PLCG2: variants seen among roughly 807,000 people sequenced by gnomAD.
PLCG2 encodes phospholipase C gamma 2, also known as 1-phosphatidylinositol 4,5-bisphosphate phosphodiesterase gamma-2.
Under a neutral mutation model 175.6 loss-of-function variants are expected in PLCG2, and 69 were observed. The observed-to-expected ratio is 0.39, with a 90% CI of 0.32 to 0.48. PLCG2 has a LOEUF of 0.48. Among genes scored for constraint, PLCG2 ranks in the 20% least tolerant of loss-of-function variants. PLCG2 has a pLI of 0.91. For synonymous variants in PLCG2, 827 were observed against 624.0 expected, an observed-to-expected ratio of 1.33 and a Z score of -4.85; for missense variants, 1,798 against 1,650.9, an observed-to-expected ratio of 1.09 and a Z score of -1.54.
intron 19 of PLCG2, among the ~76,000 whole-genome samples, chr16:81,918,498 A>G (rs1909933148): frequency 6.6e-6 from 1 of 152,146 alleles, no homozygotes; most frequent in African/African-American, 2.4e-5. Flanking sequence ...TACTTATTTA[A>G]CAGACTGTCC....
rs142010836 is a variant in PLCG2 at position 81,930,788 on chromosome 16, T to C, written c.2582-709T>C. ...AGCCATTTAAATTATTTATTCTTTATATGTAAAAGATTATATGTAACAACA... is the reference window on the plus strand; with the variant it reads ...AGCCATTTAAATTATTTATTCTTTACATGTAAAAGATTATATGTAACAACA... On this transcript the variant is annotated intron_variant, in intron 24 of 32. Coordinates refer to ENST00000564138, the MANE Select transcript of PLCG2 (RefSeq NM_002661.5). 5.7e-3 allele frequency among the ~76,000 whole-genome samples: 870 copies of C among 151,634 alleles called. 15 individuals carry two copies. The highest frequency in any genetic ancestry group is 0.019 in the African/African-American group (806 of 41,356).
chr16:81,756,945 A>G (rs1909941768), intron 2 of PLCG2, among the ~76,000 whole-genome samples: 1 of 152,174 alleles, frequency 6.6e-6, no homozygotes, highest in Admixed American at 6.5e-5. Context: ...GAAATTGTGT[A>G]TGGGATTCCA....
chr16:81,784,458 C>T (rs1348756644), intron 1 of PLCG2, among the ~76,000 whole-genome samples: 1 of 152,270 alleles, frequency 6.6e-6, no homozygotes, highest in African/African-American at 2.4e-5. Context: ...AGGCTGAGCC[C>T]GGCTGGAAGC....
chr16:81,762,097 A>G (rs1237516930), intron 2 of PLCG2, among the ~76,000 whole-genome samples: 1 of 151,902 alleles, frequency 6.6e-6, no homozygotes, highest in Non-Finnish European at 1.5e-5. Context: ...GTCCTCCCAA[A>G]GTGCTCAGAT....
chr16:81,753,177 C>T (rs1016664677), intron 1 of PLCG2, among the ~76,000 whole-genome samples: 2 of 152,160 alleles, frequency 1.3e-5, no homozygotes, highest in Admixed American at 6.5e-5. Context: ...CTCCCCGCCA[C>T]CTCAGCCTGG....
chr16:81,752,967 C>G (rs938334939), intron 1 of PLCG2, among the ~76,000 whole-genome samples: 1 of 152,210 alleles, frequency 6.6e-6, no homozygotes, highest in African/African-American at 2.4e-5. Flanking sequence ...GTAGTGGAGA[C>G]CAACCACGGT....
chr16:81,776,247 T>C (rs1910403552), upstream of PLCG2, among the ~76,000 whole-genome samples: 1 of 150,892 alleles, frequency 6.6e-6, no homozygotes, highest in Non-Finnish European at 1.5e-5. Context: ...TAGGTGGGAT[T>C]ATAGGCACCC....
intron 2 of PLCG2, among the ~76,000 whole-genome samples, chr16:81,826,502 G>A (rs1905055707): frequency 6.6e-6 from 1 of 152,160 alleles, no homozygotes; most frequent in Non-Finnish European, 1.5e-5. Flanking sequence ...AATAATAGTA[G>A]GACCTATCTC....
At chr16:81,749,922 T>C (rs1427612433) in intron 1 of PLCG2, among the ~76,000 whole-genome samples, 1 of 152,122 alleles carries the variant, frequency 6.6e-6, no homozygotes, top group African/African-American at 2.4e-5. Flanking sequence ...GTAATCCATC[T>C]ACGCGGCGGA....
chr16:81,837,379 C>A (rs953498013), intron 2 of PLCG2, among the ~76,000 whole-genome samples: 1 of 152,224 alleles, frequency 6.6e-6, no homozygotes, highest in Admixed American at 6.5e-5. Context: ...GGGCACCCTG[C>A]AGGCCACTTC....
chr16:81,945,694 A>G (rs1911123092), intron 30 of PLCG2, among the ~76,000 whole-genome samples: 1 of 152,246 alleles, frequency 6.6e-6, no homozygotes, highest in Non-Finnish European at 1.5e-5. Flanking sequence ...AGGAGGAGGA[A>G]GATCAATACT....
rs774366659 is a variant in PLCG2 at position 81,931,486 on chromosome 16, C to G, written c.2582-11C>G. ...GGCTGATTGGGACATTTCTTATTCT[C>G]TTACCCCAAGTGAAAGCCCCTCAGG... is the stretch of plus-strand genomic sequence containing the variant. On this transcript the variant is annotated splice_polypyrimidine_tract_variant and intron_variant, in intron 24 of 32. Coordinates refer to ENST00000564138, the MANE Select transcript of PLCG2 (RefSeq NM_002661.5). 2 of 1,613,380 alleles carry G rather than the reference C, an allele frequency of 1.2e-6. No homozygotes were observed. Among genetic ancestry groups the G allele is most frequent in the Non-Finnish European group, 1.7e-6 (2 of 1,179,510 alleles).
At chr16:81,823,030 T>G (rs1182319904) in intron 2 of PLCG2, among the ~76,000 whole-genome samples, 1 of 152,264 alleles carries the variant, frequency 6.6e-6, no homozygotes, top group East Asian at 1.9e-4. Flanking sequence ...GATAAATGTG[T>G]GTTGCTTTAA....
intron 6 of PLCG2, 126 bp from the exon 7 acceptor site, chr16:81,870,726 C>G (rs1173423706): frequency 5.6e-6 from 3 of 539,398 alleles, no homozygotes; most frequent in East Asian, 3.1e-5. Context: ...GTGGTCATAG[C>G]TGTCTCTTCA....
chr16:81,939,799 C>G lies in PLCG2; in HGVS notation c.3314-93C>G, dbSNP rs899779707. On this transcript the variant is annotated intron_variant, in intron 29 of 32. Transcript: ENST00000564138. ...AGATGCATATTTATTTACATGGTTG[C>G]TAAGGGGATTCACAGCTGAAGGATG... The G allele has an allele frequency of 2.0e-5, 16 of 799,570 alleles. No individual in the cohort carries two copies. The African/African-American group carries it at 2.1e-4, about 10-fold the overall frequency. 49.5% of individuals were successfully genotyped at this position (799,570 alleles called of 1,614,324 possible).
rs757785112 is a variant in PLCG2, at chr16:81,958,005, G to C, written c.*7G>C. 2 of 1,603,880 alleles carry C rather than the reference G, an allele frequency of 1.2e-6. No individual in the cohort carries two copies. Among genetic ancestry groups the C allele is most frequent in the East Asian group, 2.2e-5 (1 of 44,834 alleles). On this transcript the variant is annotated 3_prime_UTR_variant, in exon 33 of 33. Transcript: ENST00000564138. ...CAGCAAGTTTTACTCATAGAAGCTG[G>C]GGTATGTGTGTAAGGGTATTGTGTG...
chr16:81,855,392 G>A (rs1236257026), intron 3 of PLCG2, among the ~76,000 whole-genome samples: 2 of 152,136 alleles, frequency 1.3e-5, no homozygotes, highest in African/African-American at 4.8e-5. Flanking sequence ...TGACTTAGAA[G>A]TATATGTATA....
intron 8 of PLCG2, 141 bp downstream of exon 8, chr16:81,881,094 C>T (rs1908057436): frequency 1.3e-6 from 1 of 754,294 alleles, no homozygotes; most frequent in South Asian, 1.5e-5. Context: ...GGGAATTGGC[C>T]ATCCCATGCC....
intron 31 of PLCG2, among the ~76,000 whole-genome samples, chr16:81,947,350 T>C (rs1485795644): frequency 6.6e-6 from 1 of 152,140 alleles, no homozygotes; most frequent in Non-Finnish European, 1.5e-5. Flanking sequence ...AGCTGCTAGG[T>C]CTTGAGATTT....
Sources: allele counts gnomAD v4.1 joint callset (sites outside exome capture counted in the v4.1 genomes callset), GRCh38; gene constraint gnomAD v4.1.1; transcripts MANE v1.5; gene names NCBI Gene and HGNC (gene_info 2026-07-23, HGNC 2026-07-21).